The following RP1 variants were observed in gnomAD, a reference collection of about 807,000 sequenced individuals.
RP1 encodes RP1 axonemal microtubule associated.
Under a neutral mutation model 14.8 loss-of-function variants are expected in RP1, and 16 were observed. The observed-to-expected ratio is 1.08, with a 90% CI of 0.73 to 1.65. RP1 has a LOEUF of 1.65. Ranked by LOEUF, RP1 falls within the 40% of genes most tolerant of loss-of-function variation. The pLI is 0.00. For synonymous variants in RP1, 876 were observed against 883.6 expected, an observed-to-expected ratio of 0.99 and a Z score of 0.15; for missense variants, 2,631 against 2,535.0, an observed-to-expected ratio of 1.04 and a Z score of -0.81.
At chr8:54,607,261 C>T (rs1805472106) in intron 1 of RP1, among the ~76,000 whole-genome samples, 2 of 152,206 alleles carry the variant, frequency 1.3e-5, no homozygotes, top group African/African-American at 4.8e-5. Context: ...TTCCTTCTAA[C>T]AGTCAGTACC....
intron 1 of RP1, among the ~76,000 whole-genome samples, chr8:54,610,971 T>G (rs1805576688): frequency 6.6e-6 from 1 of 152,224 alleles, no homozygotes. Context: ...ACTGTCTTAA[T>G]TTTGCCCTCA....
chr8:54,857,401 G>T (rs967459721), intron 27 of RP1, among the ~76,000 whole-genome samples: 1 of 147,008 alleles, frequency 6.8e-6, no homozygotes, highest in South Asian at 2.1e-4. Context: ...GTAGATTTAT[G>T]ATATATATTT....
intron 26 of RP1, among the ~76,000 whole-genome samples, chr8:54,854,586 TG>T (rs1812142853): frequency 6.6e-6 from 1 of 152,188 alleles, no homozygotes; most frequent in African/African-American, 2.4e-5. Context: ...AATTGTGGGC[TG>T]GGCACAGTAG....
chr8:54,725,926 T>C (rs1192870753), intron 16 of RP1, among the ~76,000 whole-genome samples: 1 of 152,192 alleles, frequency 6.6e-6, no homozygotes, highest in African/African-American at 2.4e-5. Context: ...CTTATAGATA[T>C]GTGTATATTT....
At position 54,627,164 on chromosome 8, in the gene RP1, A is replaced by C. The variant is rs937764118; in HGVS notation, c.3282A>C (p.Ser1094=). Residue 1094 remains serine (S), a synonymous_variant, in exon 4 of 4, where the codon TCA becomes TCC. Transcript: ENST00000220676. ...TGATGCTTCACCAATTGCAAGCTTC[A>C]GTTCCTGGTATTCACAAGACTCAGA... ...PVLMLHQLQA[S]VPGIHKTQNG... 11 of 1,614,070 alleles carry C rather than the reference A, an allele frequency of 6.8e-6. No homozygotes were observed. Among genetic ancestry groups the C allele is most frequent in the Non-Finnish European group, 2.5e-6 (3 of 1,179,990 alleles).
At chr8:54,714,099 T>A (rs1334786494) in intron 15 of RP1, among the ~76,000 whole-genome samples, 1 of 152,194 alleles carries the variant, frequency 6.6e-6, no homozygotes, top group Non-Finnish European at 1.5e-5. Flanking sequence ...CTAATTTTTG[T>A]ATTTTTAGTA....
intron 27 of RP1, among the ~76,000 whole-genome samples, chr8:54,864,403 A>G (rs1450095875): frequency 6.6e-6 from 1 of 152,222 alleles, no homozygotes; most frequent in Non-Finnish European, 1.5e-5. Flanking sequence ...ACCAAACAGA[A>G]AAAATAAAAC....
chr8:54,602,967 T>C (rs985407924), intron 1 of RP1, among the ~76,000 whole-genome samples: 2 of 152,142 alleles, frequency 1.3e-5, no homozygotes, highest in African/African-American at 4.8e-5. Context: ...ATGGCAAAAA[T>C]TTTCTCCCAT....
chr8:54,693,990 C>A (rs1042208022), intron 12 of RP1, among the ~76,000 whole-genome samples: 1 of 152,064 alleles, frequency 6.6e-6, no homozygotes, highest in African/African-American at 2.4e-5. Flanking sequence ...TGAGATACAT[C>A]CCATCAATAC....
At chr8:54,693,627 A>T (rs1807776892) in intron 12 of RP1, among the ~76,000 whole-genome samples, 1 of 151,998 alleles carries the variant, frequency 6.6e-6, no homozygotes, top group South Asian at 2.1e-4. Context: ...TTTGTCTGTT[A>T]TTGGTGTATA....
Position 54,800,251 on chromosome 8 carries a change from C to T in RP1, c.3615+16541C>T, listed in dbSNP as rs144327815. 4.3e-3 allele frequency among the ~76,000 whole-genome samples: 652 copies of T among 151,954 alleles called. 20 individuals carry two copies. Among genetic ancestry groups the T allele is most frequent in the Admixed American group, 0.037 (563 of 15,234 alleles). ...ATTTATAATGTATCTTTTTGTCTAG[C>T]CACCTTCAAGATTTTCTCTTTGTCT... On this transcript the variant is annotated intron_variant, in intron 24 of 28. Transcript: ENST00000637698.
At chr8:54,837,817 C>T (rs1194593866) in intron 25 of RP1, 1 of 412,636 alleles carries the variant, frequency 2.4e-6, no homozygotes, top group African/African-American at 2.0e-5. Context: ...CAAAACTGCT[C>T]AACTCTGCCA....
Position 54,620,956 on chromosome 8 carries a change from T to C in RP1, c.-11T>C, listed in dbSNP as rs1277214618. 6.2e-7 allele frequency: 1 copy of C among 1,613,980 alleles called. No homozygotes were observed. The highest frequency in any genetic ancestry group is 8.5e-7 in the Non-Finnish European group (1 of 1,179,958). On this transcript the variant is annotated splice_region_variant and 5_prime_UTR_variant, in exon 2 of 4. Coordinates refer to ENST00000220676, the MANE Select transcript of RP1 (RefSeq NM_006269.2). ...GAGATAATTTTCTTTCTTCTCTAGG[T>C]CTCAGCCAAAATGAGTGATACCCCT...
intron 19 of RP1, among the ~76,000 whole-genome samples, chr8:54,740,403 TA>T (rs34753388): frequency 0.044 from 3,553 of 80,208 alleles, 136 homozygotes; most frequent in African/African-American, 0.12. Flanking sequence ...GCTTAAAAAG[TA>T]AAAAAAAAAA....
chr8:54,723,980 C>T (rs1475097054), intron 16 of RP1, among the ~76,000 whole-genome samples: 3 of 152,264 alleles, frequency 2.0e-5, no homozygotes, highest in South Asian at 2.1e-4. Context: ...TTAGTAACCC[C>T]TCAAAAATGC....
At chr8:54,773,762 T>C (rs997246325), downstream of RP1, among the ~76,000 whole-genome samples, 2 of 152,172 alleles carry the variant, frequency 1.3e-5, no homozygotes, top group Non-Finnish European at 2.9e-5. Flanking sequence ...TCTTAACCAT[T>C]ATACAAAACT....
At chr8:54,858,056 GTCTAGTA>G (rs1184132443) in intron 27 of RP1, among the ~76,000 whole-genome samples, 1 of 152,058 alleles carries the variant, frequency 6.6e-6, no homozygotes, top group African/African-American at 2.4e-5. Flanking sequence ...TTTTCCTAGT[GTCTAGTA>G]TTGTGCCTGA....
At chr8:54,824,773 A>G (rs1170676605) in intron 24 of RP1, among the ~76,000 whole-genome samples, 1 of 152,222 alleles carries the variant, frequency 6.6e-6, no homozygotes, top group African/African-American at 2.4e-5. Flanking sequence ...AAAATGAGTC[A>G]GTTGTAACCT....
At chr8:54,701,783 A>G in intron 14 of RP1, 2 of 846,316 alleles carry the variant, frequency 2.4e-6, no homozygotes, top group Non-Finnish European at 3.5e-6. Context: ...ACTAGGTGGC[A>G]TTGGTGCCTA....
Sources: allele counts gnomAD v4.1 joint callset (sites outside exome capture counted in the v4.1 genomes callset), GRCh38; gene constraint gnomAD v4.1.1; transcripts MANE v1.5; gene names NCBI Gene and HGNC (gene_info 2026-07-23, HGNC 2026-07-21).